Variants in MCM8 observed in about 807,000 individuals in gnomAD.
The protein encoded by MCM8 is minichromosome maintenance 8 homologous recombination repair factor.
Under a neutral mutation model 98.9 loss-of-function variants are expected in MCM8, and 85 were observed. The observed-to-expected ratio is 0.86, with a 90% CI of 0.72 to 1.03. MCM8 has a LOEUF of 1.03. Ranked by LOEUF, MCM8 falls within the 50% of genes least tolerant of loss-of-function variation. The pLI is 0.00. For missense variants in MCM8, 951 were observed against 997.8 expected (o/e 0.95, Z 0.63); for synonymous variants, 352 against 338.6 (o/e 1.04, Z -0.44).
chr20:5,988,881 C>T (rs1205323057), intron 17 of MCM8, among the ~76,000 whole-genome samples: 1 of 152,154 alleles, frequency 6.6e-6, no homozygotes, highest in Non-Finnish European at 1.5e-5. Flanking sequence ...TTTTGCCCAG[C>T]TATTCCCCTT....
At chr20:5,971,242 C>G (rs2089395568) in intron 10 of MCM8, among the ~76,000 whole-genome samples, 1 of 152,172 alleles carries the variant, frequency 6.6e-6, no homozygotes, top group Non-Finnish European at 1.5e-5. Context: ...CTTATTATAC[C>G]TCTCTGGCAT....
chr20:5,957,222 C>T lies in MCM8; in HGVS notation c.583C>T (p.His195Tyr). Residue 195 changes from histidine (H) to tyrosine (Y), a missense_variant, in exon 6 of 19, where the codon CAT becomes TAT. His to Tyr is a moderately conservative substitution (Grantham distance 83). Transcript: ENST00000610722. ...GETMVNVPHI[H>Y]ARVYNYEPLT... is the part of the protein sequence containing the mutation. ...AACAATGGTAAATGTGCCACATATT[C>T]ATGCAAGGTGAGGAATTTGATGTAT... 1 of 1,611,480 alleles carries T rather than the reference C, an allele frequency of 6.2e-7. No individual in the cohort carries two copies. The highest frequency in any genetic ancestry group is 8.5e-7 in the Non-Finnish European group (1 of 1,178,314).
In MCM8 at chr20:5,977,900, G is replaced by T; in HGVS notation, c.1420G>T (p.Gly474Cys). 1 of 1,614,148 alleles carries T rather than the reference G, an allele frequency of 6.2e-7. No homozygotes were observed. The part of the protein sequence containing the change: ...LQAACNVAPR[G>C]VYVCGNTTTT... The stretch of plus-strand genomic sequence containing the variant: ...GGCAGCGTGCAATGTTGCCCCACGT[G>T]GCGTGTATGTTTGTGGTAACACCAC... Residue 474 changes from glycine to cysteine, a missense_variant, in exon 13 of 19, where the codon GGC becomes TGC. Physicochemically the swap from Gly to Cys is radical, Grantham distance 159 (BLOSUM62 -3). Transcript: ENST00000610722.
At chr20:5,964,856 T>C (rs1385852732) in intron 8 of MCM8, among the ~76,000 whole-genome samples, 2 of 152,224 alleles carry the variant, frequency 1.3e-5, no homozygotes, top group African/African-American at 4.8e-5. Flanking sequence ...TAAAAAAAGC[T>C]TTAATAACAT....
chr20:5,964,352 TC>T (rs2089228043), intron 8 of MCM8, among the ~76,000 whole-genome samples: 1 of 152,092 alleles, frequency 6.6e-6, no homozygotes, highest in South Asian at 2.1e-4. Context: ...ACCCCCTTCT[TC>T]CCTGAAAAAT....
At chr20:5,954,136 C>G (rs1245004202) in intron 3 of MCM8, among the ~76,000 whole-genome samples, 1 of 151,710 alleles carries the variant, frequency 6.6e-6, no homozygotes, top group Admixed American at 6.6e-5. Flanking sequence ...AAATGTAGAA[C>G]TTTAGAGTGT....
rs1021353002 is a variant in MCM8 at position 5,958,757 on chromosome 20, A to G, written c.789+31A>G. ...ACGTTCTTTAACTGCTTCTTTATTT[A>G]TCTTGGTAAAGAAGGCAAATCAGAA... On this transcript the variant is annotated intron_variant, in intron 7 of 18. Coordinates refer to ENST00000610722, the MANE Select transcript of MCM8 (RefSeq NM_032485.6). 6 of 1,592,076 alleles carry G rather than the reference A, an allele frequency of 3.8e-6. No individual in the cohort carries two copies. The African/African-American group carries it at 6.7e-5, about 18-fold the overall frequency.
chr20:5,952,319 C>T (rs992062347), intron 2 of MCM8, 105 bp from the exon 3 acceptor site: 1 of 1,553,188 alleles, frequency 6.4e-7, no homozygotes, highest in Non-Finnish European at 8.7e-7. Flanking sequence ...TTTACTAAAA[C>T]CCCTAATTTG....
chr20:5,957,378 T>A (rs2089014711), intron 6 of MCM8, 149 bp downstream of exon 6: 1 of 546,048 alleles, frequency 1.8e-6, no homozygotes, highest in Non-Finnish European at 3.2e-6. Flanking sequence ...TGAAATAAAC[T>A]CATTGAAAAT....
chr20:5,987,485 C>G lies in MCM8; in HGVS notation c.2240+127C>G, dbSNP rs542863040. The G allele has an allele frequency of 2.2e-4, 140 of 648,644 alleles. No individual in the cohort carries two copies. In the East Asian group the frequency reaches 3.9e-3, roughly 18 times the overall value. The allele number at this position is 648,644 out of a possible 1,614,324, so 40.2% of individuals were successfully genotyped here. A position where few individuals can be genotyped will look rare whatever the true frequency, so the allele number is the denominator to read the frequency against. On this transcript the variant is annotated intron_variant, in intron 17 of 18. Transcript: ENST00000610722. ...ACTTATTTTCCTCCTAAACAGAGTA[C>G]CGTTTCTTAGTTTAAAATATTTCTC...
intron 17 of MCM8, among the ~76,000 whole-genome samples, 187 bp downstream of exon 17, chr20:5,987,545 T>C (rs1435530958): frequency 1.3e-5 from 2 of 152,190 alleles, no homozygotes; most frequent in Admixed American, 1.3e-4. Context: ...GAAATTTTTT[T>C]GAATGAGTAA....
chr20:5,970,817 A>AT (rs928043077), intron 10 of MCM8, among the ~76,000 whole-genome samples: 10 of 151,828 alleles, frequency 6.6e-5, no homozygotes, highest in African/African-American at 2.4e-4. Flanking sequence ...CTTTCTCTTA[A>AT]TTTTTTTTAG....
At position 5,998,584 on chromosome 20, in the gene MCM8, T is replaced by A. The variant is rs1020623428; in HGVS notation, c.*4193T>A. 6.6e-6 allele frequency: 1 copy of A among 152,202 alleles called. No individual in the cohort carries two copies. The highest frequency in any genetic ancestry group is 2.4e-5 in the African/African-American group (1 of 41,440). The allele number at this position is 152,202 out of a possible 1,614,324, so 9.4% of individuals were successfully genotyped here. A position where few individuals can be genotyped will look rare whatever the true frequency, so the allele number is the denominator to read the frequency against. ...AGACCTGCAGTGTTTTTCTGGGAGT[T>A]AATTCTGGAGACCCAGTATGGAACC... is the stretch of plus-strand genomic sequence containing the variant. On this transcript the variant is annotated 3_prime_UTR_variant, in exon 19 of 19. Coordinates refer to ENST00000610722, the MANE Select transcript of MCM8 (RefSeq NM_032485.6).
Position 5,967,529 on chromosome 20 carries a change from T to A in MCM8, c.969T>A (p.Cys323Ter). ...TTGTTCATGATCTTGTGGATAGCTG[T>A]GTCCCGGGAGACACAGTGACTATTA... is the stretch of plus-strand genomic sequence containing the variant. ...CELVHDLVDS[C>*]VPGDTVTITG... The change falls in exon 9 of 19, where the codon TGT (cysteine) becomes TGA (stop). Residue 323 changes from cysteine to a stop codon, truncating the protein, a stop_gained. Coordinates refer to ENST00000610722, the MANE Select transcript of MCM8 (RefSeq NM_032485.6). LOFTEE classifies it high-confidence loss of function. 1.2e-6 allele frequency: 2 copies of A among 1,614,068 alleles called. No homozygotes were observed. Among genetic ancestry groups the A allele is most frequent in the Non-Finnish European group, 1.7e-6 (2 of 1,179,942 alleles).
At chr20:5,973,003 G>A (rs2089436865) in intron 11 of MCM8, 53 bp from the exon 12 acceptor site, 1 of 1,590,674 alleles carries the variant, frequency 6.3e-7, no homozygotes, top group Non-Finnish European at 8.6e-7. Flanking sequence ...CCCTTTACTA[G>A]TCACCTTTAT....
Position 5,973,169 on chromosome 20 carries a change from A to G in MCM8, c.1368A>G (p.Pro456=), listed in dbSNP as rs34464794. 0.063 allele frequency: 102,432 copies of G among 1,614,118 alleles called. 3,723 individuals carry two copies. The highest frequency in any genetic ancestry group is 0.075 in the Non-Finnish European group (88,283 of 1,179,970). The change falls in exon 12 of 19, where the codon CCA becomes CCG. Residue 456 remains proline (P), a synonymous_variant. Coordinates refer to ENST00000610722, the MANE Select transcript of MCM8 (RefSeq NM_032485.6). Reference sequence around the variant, plus strand: ...CCCACATCCTTGTTGTTGGAGATCCAGGCCTAGGAAAAAGTCAAATGCTAC... The same window carrying G: ...CCCACATCCTTGTTGTTGGAGATCCGGGCCTAGGAAAAAGTCAAATGCTAC... ...GDPHILVVGD[P]GLGKSQMLQA... is the part of the protein sequence containing the mutation.
intron 13 of MCM8, among the ~76,000 whole-genome samples, chr20:5,981,705 G>GTC (rs1384137678): frequency 6.6e-6 from 1 of 152,116 alleles, no homozygotes; most frequent in Non-Finnish European, 1.5e-5. Flanking sequence ...AAGAAATAAC[G>GTC]TAGGAAGAAA....
Position 5,996,871 on chromosome 20 carries a change from C to T in MCM8, c.*2480C>T, listed in dbSNP as rs2089964176. Reference sequence around the variant, plus strand: ...AAACATCACATTACAGTCCCTCCAACCACAAACCCCAACATATAGTATTTC... The same window carrying T: ...AAACATCACATTACAGTCCCTCCAATCACAAACCCCAACATATAGTATTTC... On this transcript the variant is annotated 3_prime_UTR_variant, in exon 19 of 19. Coordinates refer to ENST00000610722, the MANE Select transcript of MCM8 (RefSeq NM_032485.6). 2 of 152,250 alleles carry T rather than the reference C, an allele frequency of 1.3e-5. No homozygotes were observed. 9.4% of individuals were successfully genotyped at this position (152,250 alleles called of 1,614,324 possible). A position where few individuals can be genotyped will look rare whatever the true frequency, so the allele number is the denominator to read the frequency against.
rs149129991 is a variant in MCM8, at chr20:5,952,457, C to T, written c.182C>T (p.Thr61Ile). The T allele has an allele frequency of 3.4e-5, 55 of 1,613,812 alleles. No individual in the cohort carries two copies. The highest frequency in any genetic ancestry group is 2.2e-4 in the South Asian group (20 of 91,074). The change falls in exon 3 of 19, where the codon ACC becomes ATC. Residue 61 changes from threonine (T) to isoleucine (I), a missense_variant. Transcript: ENST00000610722. ...QTPQFLLSTK[T>I]PQSMQSTLDR... ...CCACAGTTTTTGCTTTCAACAAAGA[C>T]CCCACAGTCAATGCAGTCAACATTG...
Sources: allele counts gnomAD v4.1 joint callset (sites outside exome capture counted in the v4.1 genomes callset), GRCh38; gene constraint gnomAD v4.1.1; transcripts MANE v1.5; gene names NCBI Gene and HGNC (gene_info 2026-07-23, HGNC 2026-07-21).